NRROS: variants seen among roughly 807,000 people sequenced by gnomAD.
NRROS encodes the protein negative regulator of reactive oxygen species.
In NRROS, 6 loss-of-function variants were observed where a neutral mutation model predicts 12.0. The ratio of observed to expected loss-of-function variants is 0.50; its 90% CI spans 0.27 to 0.98. NRROS has a LOEUF of 0.98. Among genes scored for constraint, NRROS ranks in the 50% least tolerant of loss-of-function variants. NRROS has a pLI of 0.11. For missense variants in NRROS, 857 were observed against 888.2 expected, an observed-to-expected ratio of 0.96 and a Z score of 0.45; for synonymous variants, 462 against 410.2, an observed-to-expected ratio of 1.13 and a Z score of -1.53.
chr3:196,656,091 T>C (rs1179385286), intron 2 of NRROS, among the ~76,000 whole-genome samples: 1 of 151,964 alleles, frequency 6.6e-6, no homozygotes, highest in Non-Finnish European at 1.5e-5. Context: ...TGCTTGAACC[T>C]GGGAGGCAGA....
intron 2 of NRROS, among the ~76,000 whole-genome samples, 155 bp from the exon 3 acceptor site, chr3:196,659,597 C>T (rs1243377317): frequency 6.6e-6 from 1 of 152,182 alleles, no homozygotes; most frequent in East Asian, 1.9e-4. Context: ...GCATGAACCA[C>T]CGTGCCCGGC....
intron 1 of NRROS, among the ~76,000 whole-genome samples, chr3:196,646,724 C>G (rs79834579): frequency 2.6e-5 from 4 of 152,308 alleles, no homozygotes; most frequent in Admixed American, 2.0e-4. Flanking sequence ...CTGAATCCCC[C>G]CCCGATGGAG....
chr3:196,651,843 T>C (rs1737434856), intron 1 of NRROS, among the ~76,000 whole-genome samples: 3 of 152,008 alleles, frequency 2.0e-5, no homozygotes, highest in African/African-American at 7.2e-5. Context: ...CGGAAGAAAC[T>C]CTAGGATGTC....
At chr3:196,643,994 G>A (rs527389770) in intron 1 of NRROS, among the ~76,000 whole-genome samples, 16 of 152,318 alleles carry the variant, frequency 1.1e-4, no homozygotes, top group African/African-American at 3.6e-4. Flanking sequence ...CAGCAAGTTA[G>A]CGGTCTCCCT....
At chr3:196,642,023 A>T (rs1207164865) in intron 1 of NRROS, among the ~76,000 whole-genome samples, 2 of 152,184 alleles carry the variant, frequency 1.3e-5, no homozygotes, top group East Asian at 3.8e-4. Flanking sequence ...GAACTTCTTT[A>T]TTATACTCAC....
intron 1 of NRROS, among the ~76,000 whole-genome samples, chr3:196,640,887 C>T (rs914467902): frequency 2.0e-5 from 3 of 152,100 alleles, no homozygotes; most frequent in Non-Finnish European, 4.4e-5. Flanking sequence ...TGGGCACAGC[C>T]CGTTAGGAGT....
At position 196,659,783 on chromosome 3, in the gene NRROS, G is replaced by A. The variant is rs778945377; in HGVS notation, c.140G>A (p.Ser47Asn). ...VGGAADCRGQ[S>N]LASVPSSLPP... ...GGAGCCGCTGACTGCCGAGGGCAGA[G>A]CCTCGCTTCGGTGCCCAGCAGCCTC... The change falls in exon 3 of 3, where the codon AGC (serine) becomes AAC (asparagine). Residue 47 changes from serine to asparagine, a missense_variant. By Grantham distance (46) the Ser-to-Asn change is conservative. Transcript: ENST00000328557. 3 of 1,612,780 alleles carry A rather than the reference G, an allele frequency of 1.9e-6. No individual in the cohort carries two copies. Among genetic ancestry groups the A allele is most frequent in the Non-Finnish European group, 2.5e-6 (3 of 1,179,316 alleles).
intron 1 of NRROS, among the ~76,000 whole-genome samples, chr3:196,642,874 A>G (rs897033162): frequency 1.2e-4 from 19 of 152,082 alleles, no homozygotes; most frequent in Admixed American, 1.2e-3. Context: ...GTTTGAGACC[A>G]GCCTGGCCAA....
Position 196,661,267 on chromosome 3 carries a change from G to A in NRROS, c.1624G>A (p.Asp542Asn), listed in dbSNP as rs1737671639. Residue 542 changes from aspartate (D) to asparagine (N), a missense_variant, in exon 3 of 3, where the codon GAT (aspartate) becomes AAT (asparagine). Transcript: ENST00000328557. ...FSGFGNLRDL[D>N]LSGNCLTTFP... The stretch of plus-strand genomic sequence containing the variant: ...TGGGTTTGGGAATCTCAGGGACTTA[G>A]ATCTGTCGGGGAATTGCTTGACCAC... 3.7e-6 allele frequency: 6 copies of A among 1,613,890 alleles called. No individual in the cohort carries two copies. The highest frequency in any genetic ancestry group is 1.7e-5 in the Admixed American group (1 of 59,954).
chr3:196,656,402 C>A (rs1737538145), intron 2 of NRROS, among the ~76,000 whole-genome samples: 1 of 152,100 alleles, frequency 6.6e-6, no homozygotes, highest in African/African-American at 2.4e-5. Flanking sequence ...TGGTTTAAAC[C>A]CAGCCCCACC....
In NRROS at chr3:196,660,953, A is replaced by G. The variant is rs1008131534; in HGVS notation, c.1310A>G (p.Gln437Arg). Residue 437 changes from glutamine to arginine, a missense_variant, in exon 3 of 3, where the codon CAG (glutamine) becomes CGG (arginine). Physicochemically the swap from Gln to Arg is conservative, Grantham distance 43. Transcript: ENST00000328557. This position sits in a 1 kb window ranked among gnomAD's most constrained non-coding sequence, Gnocchi z 7.7. Reference protein sequence around the residue: ...NITTLDMSHNQISLCPLPAAS... With the variant: ...NITTLDMSHNRISLCPLPAAS... ...ACTACACTTGACATGAGCCACAATC[A>G]GATCTCACTTTGTCCCCTGCCAGCT... The G allele has an allele frequency of 6.2e-7, 1 of 1,614,172 alleles. No individual in the cohort carries two copies. The highest frequency in any genetic ancestry group is 8.5e-7 in the Non-Finnish European group (1 of 1,180,042).
In NRROS at chr3:196,660,990, G is replaced by T. The variant is rs766553186; in HGVS notation, c.1347G>T (p.Arg449=). Reference sequence around the variant, plus strand: ...GTCCCCTGCCAGCTGCCTCGGACCGGGTGGGCCCCCCTAGCTGTGTGGATT... The same window carrying T: ...GTCCCCTGCCAGCTGCCTCGGACCGTGTGGGCCCCCCTAGCTGTGTGGATT... ...SLCPLPAASD[R]VGPPSCVDFR... Residue 449 remains arginine (R), a synonymous_variant, in exon 3 of 3, where the codon CGG becomes CGT. Transcript: ENST00000328557. The surrounding 1 kb of genome is among the most constrained non-coding windows in gnomAD (Gnocchi z 7.7). 10 of 1,614,192 alleles carry T rather than the reference G, an allele frequency of 6.2e-6. No individual in the cohort carries two copies. The highest frequency in any genetic ancestry group is 5.0e-5 in the Admixed American group (3 of 60,030).
At chr3:196,643,938 G>T (rs1461413187) in intron 1 of NRROS, among the ~76,000 whole-genome samples, 1 of 152,182 alleles carries the variant, frequency 6.6e-6, no homozygotes, top group African/African-American at 2.4e-5. Flanking sequence ...GGCTCAGTGG[G>T]GAGCAGGGCT....
intron 1 of NRROS, among the ~76,000 whole-genome samples, chr3:196,643,518 T>C (rs969955108): frequency 2.0e-5 from 3 of 152,228 alleles, no homozygotes; most frequent in Non-Finnish European, 4.4e-5. Context: ...AGCAACTTTC[T>C]GCTGCCACCT....
intron 2 of NRROS, 35 bp from the exon 3 acceptor site, chr3:196,659,717 C>T (rs368419428): frequency 1.9e-6 from 3 of 1,574,166 alleles, no homozygotes; most frequent in East Asian, 4.5e-5. Flanking sequence ...GCCTCTGGGC[C>T]TCCTCGCTGC....
intron 2 of NRROS, among the ~76,000 whole-genome samples, chr3:196,655,589 G>A (rs1158593265): frequency 6.6e-6 from 1 of 152,168 alleles, no homozygotes; most frequent in South Asian, 2.1e-4. Flanking sequence ...TGCACCGATG[G>A]TATGAGAATC....
intron 1 of NRROS, among the ~76,000 whole-genome samples, chr3:196,645,720 A>G (rs1422937202): frequency 6.6e-6 from 1 of 151,888 alleles, no homozygotes; most frequent in Non-Finnish European, 1.5e-5. Flanking sequence ...GGGGGGATAT[A>G]TTTTCATTGT....
At chr3:196,653,920 T>G (rs1737481862) in intron 1 of NRROS, among the ~76,000 whole-genome samples, 1 of 152,224 alleles carries the variant, frequency 6.6e-6, no homozygotes, top group Non-Finnish European at 1.5e-5. Context: ...GATTGCTTCT[T>G]CATTTTCCCT....
chr3:196,653,594 C>CA (rs1560054142), intron 1 of NRROS, among the ~76,000 whole-genome samples: 1 of 152,234 alleles, frequency 6.6e-6, no homozygotes, highest in East Asian at 1.9e-4. Context: ...GTCAGGTCCC[C>CA]AGCAGGGCAG....
Sources: allele counts gnomAD v4.1 joint callset (sites outside exome capture counted in the v4.1 genomes callset), GRCh38; gene constraint gnomAD v4.1.1; non-coding constraint Gnocchi (gnomAD v3.1); transcripts MANE v1.5; gene names NCBI Gene and HGNC (gene_info 2026-07-23, HGNC 2026-07-21).